The following PLA2G4A variants were observed in gnomAD, a reference collection of about 807,000 sequenced individuals.
PLA2G4A encodes phospholipase A2 group IVA, also known as cytosolic phospholipase A2.
Under a neutral mutation model 81.9 loss-of-function variants are expected in PLA2G4A, and 40 were observed. That is an observed-to-expected ratio of 0.49 (90% CI 0.38 to 0.64). The LOEUF is 0.64. Ranked by LOEUF, PLA2G4A falls within the 30% of genes least tolerant of loss-of-function variation. The pLI is 0.00. For missense variants in PLA2G4A, 715 were observed against 905.1 expected, an observed-to-expected ratio of 0.79 and a Z score of 2.69; for synonymous variants, 302 against 296.9, an observed-to-expected ratio of 1.02 and a Z score of -0.18.
intron 7 of PLA2G4A, among the ~76,000 whole-genome samples, chr1:186,918,406 G>A (rs1477761613): frequency 1.3e-5 from 2 of 152,154 alleles, no homozygotes; most frequent in African/African-American, 4.8e-5. Context: ...GAGGGTTAGA[G>A]AGGCATATCC....
intron 6 of PLA2G4A, among the ~76,000 whole-genome samples, chr1:186,909,928 T>G (rs544632525): frequency 6.6e-6 from 1 of 152,270 alleles, no homozygotes; most frequent in Non-Finnish European, 1.5e-5. Context: ...TACTGCTTAA[T>G]TGCTTTTTAA....
intron 2 of PLA2G4A, among the ~76,000 whole-genome samples, chr1:186,860,708 C>T (rs1652767032): frequency 6.6e-6 from 1 of 152,174 alleles, no homozygotes; most frequent in Non-Finnish European, 1.5e-5. Context: ...CAGCCATGCC[C>T]TGCCACAAGC....
intron 3 of PLA2G4A, among the ~76,000 whole-genome samples, chr1:186,876,043 T>C (rs1653484905): frequency 6.6e-6 from 1 of 152,118 alleles, no homozygotes; most frequent in Non-Finnish European, 1.5e-5. Context: ...CTTGAGTTTG[T>C]TCTGCCTTAT....
At chr1:186,917,928 T>G (rs1655199402) in intron 7 of PLA2G4A, among the ~76,000 whole-genome samples, 2 of 152,302 alleles carry the variant, frequency 1.3e-5, no homozygotes, top group Non-Finnish European at 2.9e-5. Context: ...CTGGCAAGTG[T>G]GAGACGTAGA....
At chr1:186,843,274 T>C (rs1363605732) in intron 1 of PLA2G4A, among the ~76,000 whole-genome samples, 1 of 152,230 alleles carries the variant, frequency 6.6e-6, no homozygotes, top group African/African-American at 2.4e-5. Context: ...ATTTTCAAAA[T>C]TAAGTGTTCA....
intron 4 of PLA2G4A, among the ~76,000 whole-genome samples, chr1:186,893,618 A>G (rs1260763949): frequency 6.6e-6 from 1 of 152,126 alleles, no homozygotes; most frequent in African/African-American, 2.4e-5. Flanking sequence ...ATTATCTTAT[A>G]GCAAACACAG....
intron 3 of PLA2G4A, among the ~76,000 whole-genome samples, chr1:186,879,316 T>A (rs2102076853): frequency 6.6e-6 from 1 of 152,124 alleles, no homozygotes; most frequent in East Asian, 1.9e-4. Context: ...TAAAGAAATA[T>A]AACCCAGTGC....
At chr1:186,955,994 C>A (rs1248777471) in intron 13 of PLA2G4A, 108 bp from the exon 14 acceptor site, 3 of 917,458 alleles carry the variant, frequency 3.3e-6, no homozygotes, top group Admixed American at 1.8e-5. Context: ...CCCGCCTTGG[C>A]CTCCCAAAGT....
chr1:186,844,330 C>T (rs1293042461), intron 1 of PLA2G4A, among the ~76,000 whole-genome samples: 1 of 152,114 alleles, frequency 6.6e-6, no homozygotes, highest in Non-Finnish European at 1.5e-5. Flanking sequence ...AAAAAAGCAC[C>T]ATCAAATTCA....
intron 14 of PLA2G4A, among the ~76,000 whole-genome samples, chr1:186,959,023 C>T (rs1656853387): frequency 6.6e-6 from 1 of 152,010 alleles, no homozygotes; most frequent in Admixed American, 6.5e-5. Context: ...CTAAATTTGG[C>T]AACTTTAGGA....
At position 186,850,428 on chromosome 1, in the gene PLA2G4A, A is replaced by G. The variant is rs1361500332; in HGVS notation, c.-69-3858A>G. ...GACATTAATCATAATAAACAGTGTT[A>G]CTACTTTTAGCAACATGCATGCATG... On this transcript the variant is annotated intron_variant, in intron 1 of 17. Coordinates refer to ENST00000367466, the MANE Select transcript of PLA2G4A (RefSeq NM_024420.3). 2.0e-5 allele frequency among the ~76,000 whole-genome samples: 3 copies of G among 152,130 alleles called. No individual in the cohort carries two copies. In the East Asian group the frequency reaches 5.8e-4, roughly 29 times the overall value.
At chr1:186,963,863 T>C (rs937426840) in intron 14 of PLA2G4A, among the ~76,000 whole-genome samples, 1 of 152,260 alleles carries the variant, frequency 6.6e-6, no homozygotes, top group Non-Finnish European at 1.5e-5. Context: ...TAAAATATTA[T>C]GACTGTCTCA....
At chr1:186,832,630 T>G (rs554921316) in intron 1 of PLA2G4A, among the ~76,000 whole-genome samples, 1 of 152,216 alleles carries the variant, frequency 6.6e-6, no homozygotes, top group African/African-American at 2.4e-5. Context: ...AAATTTACAT[T>G]TCTTTGTTGA....
intron 15 of PLA2G4A, among the ~76,000 whole-genome samples, chr1:186,967,523 C>A (rs969793062): frequency 1.6e-4 from 24 of 146,138 alleles, no homozygotes; most frequent in Non-Finnish European, 2.7e-4. Flanking sequence ...TCCTGATCTC[C>A]CATAACATTT....
chr1:186,842,816 C>A (rs1023073835), intron 1 of PLA2G4A, among the ~76,000 whole-genome samples: 1 of 152,200 alleles, frequency 6.6e-6, no homozygotes, highest in African/African-American at 2.4e-5. Context: ...ATTGTTTAAG[C>A]CACTCGGTCT....
chr1:186,844,614 A>G (rs6425051), intron 1 of PLA2G4A, among the ~76,000 whole-genome samples: 115,617 of 151,996 alleles, frequency 0.76, 44,488 homozygotes, highest in South Asian at 0.83. Context: ...GGCTGGGTCA[A>G]ATGGTATTTC....
chr1:186,948,379 AC>A (rs1656414477), intron 12 of PLA2G4A, among the ~76,000 whole-genome samples: 1 of 152,152 alleles, frequency 6.6e-6, no homozygotes, highest in Non-Finnish European at 1.5e-5. Flanking sequence ...CCTAAGAGTA[AC>A]TGCAAGGCAA....
intron 2 of PLA2G4A, among the ~76,000 whole-genome samples, chr1:186,865,466 C>T (rs1435097197): frequency 6.6e-6 from 1 of 151,664 alleles, no homozygotes; most frequent in African/African-American, 2.4e-5. Context: ...AGTATCTTAC[C>T]AAAAAAACCT....
At chr1:186,985,776 G>A (rs1414017782) in intron 17 of PLA2G4A, among the ~76,000 whole-genome samples, 2 of 152,044 alleles carry the variant, frequency 1.3e-5, no homozygotes, top group Non-Finnish European at 2.9e-5. Flanking sequence ...TGAGATATGA[G>A]GGCTTTTGCT....
Sources: allele counts gnomAD v4.1 joint callset (sites outside exome capture counted in the v4.1 genomes callset), GRCh38; gene constraint gnomAD v4.1.1; transcripts MANE v1.5; gene names NCBI Gene and HGNC (gene_info 2026-07-23, HGNC 2026-07-21).